DACH2: variants seen among roughly 807,000 people sequenced by gnomAD.
DACH2 encodes dachshund homolog 2.
In DACH2, 17 loss-of-function variants were observed where a neutral mutation model predicts 35.8. The observed-to-expected ratio is 0.48, with a 90% CI of 0.33 to 0.71. The LOEUF is 0.71. Ranked by LOEUF, DACH2 falls within the 30% of genes least tolerant of loss-of-function variation. The pLI is 0.02. For missense variants in DACH2, 469 were observed against 472.7 expected (o/e 0.99, Z 0.07); for synonymous variants, 195 against 177.3 (o/e 1.10, Z -0.79).
At chrX:86,426,374 C>T (rs1347524765) in intron 2 of DACH2, among the ~76,000 whole-genome samples, 1 of 111,001 alleles carries the variant, frequency 9.0e-6, no homozygotes, top group Non-Finnish European at 1.9e-5. Context: ...TAAGAACATA[C>T]TATTTCTGAG....
chrX:86,406,605 T>C (rs910011696), intron 2 of DACH2, among the ~76,000 whole-genome samples: 13 of 112,248 alleles, frequency 1.2e-4, no homozygotes, highest in Non-Finnish European at 2.3e-4. Flanking sequence ...TGGTTTTAGT[T>C]TATATTGACA....
chrX:86,744,304 AT>A (rs201386418), intron 7 of DACH2, among the ~76,000 whole-genome samples: 2 of 110,950 alleles, frequency 1.8e-5, no homozygotes, highest in African/African-American at 6.5e-5. Flanking sequence ...AAAGGTTTTT[AT>A]TAAAAAAATG....
chrX:86,633,335 C>T (rs949708203), intron 3 of DACH2, among the ~76,000 whole-genome samples: 2 of 110,447 alleles, frequency 1.8e-5, no homozygotes, highest in African/African-American at 6.6e-5. Flanking sequence ...ATAATACACT[C>T]GCAAATTAAA....
At chrX:86,382,671 T>G (rs2036064340) in intron 2 of DACH2, among the ~76,000 whole-genome samples, 1 of 110,891 alleles carries the variant, frequency 9.0e-6, no homozygotes, top group African/African-American at 3.3e-5. Flanking sequence ...ATGAAGACAT[T>G]CTTAGAGACC....
At chrX:86,603,725 T>A (rs1027878534) in intron 3 of DACH2, among the ~76,000 whole-genome samples, 26 of 111,801 alleles carry the variant, frequency 2.3e-4, no homozygotes, top group African/African-American at 7.8e-4. Flanking sequence ...TGCACTTGGC[T>A]TGATATGCTA....
intron 4 of DACH2, among the ~76,000 whole-genome samples, chrX:86,670,988 G>A (rs1446637432): frequency 1.8e-5 from 2 of 111,711 alleles, no homozygotes; most frequent in Non-Finnish European, 3.8e-5. Flanking sequence ...AACAGGACAG[G>A]ATGTTTTCAA....
chrX:86,164,376 T>G (rs1040079393), intron 1 of DACH2, among the ~76,000 whole-genome samples: 1 of 111,799 alleles, frequency 8.9e-6, no homozygotes, highest in African/African-American at 3.2e-5. Context: ...TCTCCCATTC[T>G]GTAGGTTGTC....
intron 1 of DACH2, among the ~76,000 whole-genome samples, chrX:86,319,707 T>C (rs1205346398): frequency 8.9e-6 from 1 of 112,541 alleles, no homozygotes; most frequent in Non-Finnish European, 1.9e-5. Flanking sequence ...TAACACTGTT[T>C]TTATTTTTAA....
intron 1 of DACH2, among the ~76,000 whole-genome samples, chrX:86,279,402 G>T (rs1484734174): frequency 8.9e-6 from 1 of 112,000 alleles, no homozygotes; most frequent in Non-Finnish European, 1.9e-5. Flanking sequence ...GGCAAAGAGG[G>T]TCTGGAGAGG....
chrX:86,277,194 T>G (rs1285066197), intron 1 of DACH2, among the ~76,000 whole-genome samples: 2 of 111,802 alleles, frequency 1.8e-5, no homozygotes, highest in Non-Finnish European at 3.8e-5. Flanking sequence ...GATGTCTTCT[T>G]TAATTTCTTT....
At chrX:86,501,652 T>C (rs971642357) in intron 2 of DACH2, among the ~76,000 whole-genome samples, 2 of 112,044 alleles carry the variant, frequency 1.8e-5, no homozygotes, top group Non-Finnish European at 1.9e-5. Context: ...CAAACTGAAC[T>C]TGTGTATGGC....
intron 1 of DACH2, among the ~76,000 whole-genome samples, chrX:86,163,719 G>A (rs1005626704): frequency 1.8e-5 from 2 of 111,110 alleles, no homozygotes; most frequent in African/African-American, 6.5e-5. Context: ...GGTTTGCTGA[G>A]GATAATAGCC....
At chrX:86,491,578 A>C (rs1410004410) in intron 2 of DACH2, among the ~76,000 whole-genome samples, 1 of 111,629 alleles carries the variant, frequency 9.0e-6, no homozygotes, top group African/African-American at 3.2e-5. Flanking sequence ...TTATTTTCAC[A>C]GAGAGAGTCT....
intron 3 of DACH2, among the ~76,000 whole-genome samples, chrX:86,515,892 A>G (rs886777865): frequency 2.7e-5 from 3 of 112,517 alleles, no homozygotes; most frequent in Non-Finnish European, 5.6e-5. Flanking sequence ...CCAAAGGAGA[A>G]ATATTGAGGG....
chrX:86,186,998 A>G (rs1354047368), intron 1 of DACH2, among the ~76,000 whole-genome samples: 1 of 111,861 alleles, frequency 8.9e-6, no homozygotes, highest in African/African-American at 3.2e-5. Flanking sequence ...AGAAACGGGA[A>G]TTTATTTACT....
At chrX:86,174,913 G>A (rs1462577544) in intron 1 of DACH2, among the ~76,000 whole-genome samples, 1 of 111,381 alleles carries the variant, frequency 9.0e-6, no homozygotes, top group African/African-American at 3.3e-5. Context: ...TGAACTCCTG[G>A]GCTCAAGTGA....
rs766054277 is a variant in DACH2, at chrX:86,771,771, G to GTT, written c.1240+31894_1240+31895dup. ...CTGCTAGAATACAAGTAAATGTCAT[G>GTT]TTTTTTATCTCTCGGTTTCCTGAAT... On this transcript the variant is annotated intron_variant, in intron 7 of 11. Coordinates refer to ENST00000373125, the MANE Select transcript of DACH2 (RefSeq NM_053281.3). 3.5e-3 allele frequency among the ~76,000 whole-genome samples: 393 copies of GTT among 111,796 alleles called. 2 individuals are homozygous for GTT. The highest frequency in any genetic ancestry group is 0.012 in the African/African-American group (377 of 30,821).
At chrX:86,366,043 C>T (rs12014941) in intron 1 of DACH2, among the ~76,000 whole-genome samples, 1,776 of 111,575 alleles carry the variant, frequency 0.016, 30 homozygotes, top group African/African-American at 0.055. Flanking sequence ...GAAAGTTTCA[C>T]AGCTCTTTTA....
rs777762553 is a variant in DACH2, at chrX:86,645,639, T to A, written c.641-5397T>A. On this transcript the variant is annotated intron_variant, in intron 3 of 11. Coordinates refer to ENST00000373125, the MANE Select transcript of DACH2 (RefSeq NM_053281.3). ...AGCACTGTTCACAATGCTAGGGACA[T>A]GGAATCAACTTAAATGTCCATCAAT... 2.9e-3 allele frequency among the ~76,000 whole-genome samples: 321 copies of A among 111,036 alleles called. 2 individuals are homozygous for A. The highest frequency in any genetic ancestry group is 1.0e-2 in the African/African-American group (306 of 30,659).
Sources: allele counts gnomAD v4.1 joint callset (sites outside exome capture counted in the v4.1 genomes callset), GRCh38; gene constraint gnomAD v4.1.1; transcripts MANE v1.5; gene names NCBI Gene and HGNC (gene_info 2026-07-23, HGNC 2026-07-21).